The following SNUPN variants were observed in gnomAD, a reference collection of about 807,000 sequenced individuals.
SNUPN encodes the protein snurportin 1, also known as snurportin-1.
Under a neutral mutation model 39.2 loss-of-function variants are expected in SNUPN, and 31 were observed. The ratio of observed to expected loss-of-function variants is 0.79; its 90% CI spans 0.59 to 1.07. The LOEUF is 1.07. Ranked by LOEUF, SNUPN falls within the 50% of genes least tolerant of loss-of-function variation. The pLI is 0.00. For synonymous variants in SNUPN, 132 were observed against 159.0 expected (o/e 0.83, Z 1.28); for missense variants, 382 against 434.2 (o/e 0.88, Z 1.07).
intron 2 of SNUPN, among the ~76,000 whole-genome samples, chr15:75,620,369 C>A (rs938081410): frequency 2.6e-5 from 4 of 152,176 alleles, no homozygotes; most frequent in African/African-American, 7.2e-5. Context: ...TCTTATCCTG[C>A]CCTCTTTCCC....
Position 75,601,171 on chromosome 15 carries a change from C to T in SNUPN, c.726G>A (p.Leu242=), listed in dbSNP as rs756346962. 1 of 1,613,912 alleles carries T rather than the reference C, an allele frequency of 6.2e-7. No individual in the cohort carries two copies. The highest frequency in any genetic ancestry group is 8.5e-7 in the Non-Finnish European group (1 of 1,179,810). Residue 242 remains leucine (L), a synonymous_variant, in exon 8 of 9, where the codon CTG becomes CTA. Coordinates refer to ENST00000308588, the MANE Select transcript of SNUPN (RefSeq NM_005701.4). The stretch of plus-strand genomic sequence containing the variant: ...GGAAATCCATAGATAGCACATCACA[C>T]AGGCTTTCGGGAGTGCAAGGGAAGT... ...LKNFPCTPES[L]CDVLSMDFPF... is the part of the protein sequence containing the mutation.
intron 3 of SNUPN, among the ~76,000 whole-genome samples, chr15:75,615,366 G>A (rs554339321): frequency 6.6e-6 from 1 of 151,988 alleles, no homozygotes; most frequent in Non-Finnish European, 1.5e-5. Context: ...CCAACTCTAT[G>A]CCACTCTACC....
chr15:75,599,986 C>CA (rs1262546439), intron 8 of SNUPN, among the ~76,000 whole-genome samples: 1 of 152,030 alleles, frequency 6.6e-6, no homozygotes, highest in Non-Finnish European at 1.5e-5. Context: ...GCTGGGACTA[C>CA]AGGCGTGTGC....
intron 3 of SNUPN, among the ~76,000 whole-genome samples, chr15:75,614,487 T>G (rs1015021626): frequency 1.2e-4 from 19 of 152,164 alleles, no homozygotes; most frequent in Non-Finnish European, 2.1e-4. Flanking sequence ...TGATGAACGT[T>G]GGAAACCTCA....
At chr15:75,601,266 G>T in intron 7 of SNUPN, 48 bp from the exon 8 acceptor site, 1 of 1,299,146 alleles carries the variant, frequency 7.7e-7, no homozygotes. Context: ...AAATGATACT[G>T]GCCCAAGCAA....
In SNUPN at chr15:75,605,171, T is replaced by G. The variant is rs2075321462; in HGVS notation, c.657A>C (p.Gly219=). Residue 219 remains glycine (G), a synonymous_variant, in exon 7 of 9, where the codon GGA becomes GGC. Transcript: ENST00000308588. The part of the protein sequence containing the change: ...HSKLPEEEGL[G]EKTKLNPFKF... ...TTACAGGATTAAGCTTGGTTTTCTC[T>G]CCCAGTCCTTCTTCTTCTGGTAACT... 1 of 1,613,380 alleles carries G rather than the reference T, an allele frequency of 6.2e-7. No homozygotes were observed. The highest frequency in any genetic ancestry group is 1.3e-5 in the African/African-American group (1 of 75,006).
intron 3 of SNUPN, among the ~76,000 whole-genome samples, chr15:75,614,705 T>C (rs1262715733): frequency 6.6e-6 from 1 of 152,056 alleles, no homozygotes; most frequent in Non-Finnish European, 1.5e-5. Flanking sequence ...GTCTTGTGAC[T>C]ACACTAAAAA....
At chr15:75,598,764 C>T (rs189017158) in intron 8 of SNUPN, 83 bp from the exon 9 acceptor site, 57 of 1,081,704 alleles carry the variant, frequency 5.3e-5, no homozygotes, top group Non-Finnish European at 7.2e-5. Context: ...AAGGGCAGCT[C>T]TTGTGGTCCG....
chr15:75,603,660 C>CAA (rs775817247), intron 7 of SNUPN, among the ~76,000 whole-genome samples: 1,507 of 43,692 alleles, frequency 0.034, 57 homozygotes, highest in African/African-American at 0.11. Flanking sequence ...GACTCTGTCT[C>CAA]AAAAAAAAAA....
At position 75,621,062 on chromosome 15, in the gene SNUPN, A is replaced by G. The variant is rs1439242668; in HGVS notation, c.-5-6T>C. On this transcript the variant is annotated splice_polypyrimidine_tract_variant and splice_region_variant and intron_variant, in intron 1 of 8. Transcript: ENST00000308588. Reference sequence around the variant, plus strand: ...ACTCAACTCTTCCATCTTCCCTACAAAGGAAAACGTAAGAAAATGGTTCAT... The same window carrying G: ...ACTCAACTCTTCCATCTTCCCTACAGAGGAAAACGTAAGAAAATGGTTCAT... 1.2e-6 allele frequency: 2 copies of G among 1,613,690 alleles called. No homozygotes were observed. The highest frequency in any genetic ancestry group is 1.7e-6 in the Non-Finnish European group (2 of 1,179,850).
chr15:75,623,093 A>T (rs1262481257), intron 1 of SNUPN, among the ~76,000 whole-genome samples: 1 of 152,246 alleles, frequency 6.6e-6, no homozygotes, highest in Non-Finnish European at 1.5e-5. Context: ...AGAACTCTCC[A>T]GAACTCCTTT....
intron 6 of SNUPN, among the ~76,000 whole-genome samples, chr15:75,606,322 G>A (rs890682908): frequency 6.6e-6 from 1 of 151,994 alleles, no homozygotes; most frequent in Non-Finnish European, 1.5e-5. Flanking sequence ...CCTAGTATGC[G>A]GGAATGGCTT....
chr15:75,621,012 C>G lies in SNUPN; in HGVS notation c.40G>C (p.Val14Leu). ...GCTGTGCTGTTCAGATCTTGAGACA[C>G]AGAAAAGCTACTAGCCAGGGCCTGA... ...LSQALASSFS[V>L]SQDLNSTAAP... Residue 14 changes from valine (V) to leucine (L), a missense_variant, in exon 2 of 9, where the codon GTG becomes CTG. Coordinates refer to ENST00000308588, the MANE Select transcript of SNUPN (RefSeq NM_005701.4). 6.2e-7 allele frequency: 1 copy of G among 1,614,088 alleles called. No homozygotes were observed. The highest frequency in any genetic ancestry group is 2.2e-5 in the East Asian group (1 of 44,888).
At chr15:75,622,423 A>G (rs1440892761) in intron 1 of SNUPN, 4 of 984,610 alleles carry the variant, frequency 4.1e-6, no homozygotes, top group Admixed American at 6.2e-5. Context: ...CATAAAGTAC[A>G]TTAGGGAAAC....
At chr15:75,605,551 G>C (rs536096144) in intron 6 of SNUPN, among the ~76,000 whole-genome samples, 8 of 151,722 alleles carry the variant, frequency 5.3e-5, no homozygotes, top group Admixed American at 1.3e-4. Context: ...TCTCCACCTC[G>C]AGCCTCCCAA....
In SNUPN at chr15:75,620,910, G is replaced by C. The variant is rs766445450; in HGVS notation, c.142C>G (p.Leu48Val). ...CTTCCTTACGATTTCTGCAGTTCCA[G>C]TAACCTCCGGCGGCGCTCACTCTGC... ...LEQSERRRRL[L>V]ELQKSKRLDY... The change falls in exon 2 of 9, where the codon CTG (leucine) becomes GTG (valine). Residue 48 changes from leucine (L) to valine (V), a missense_variant. Physicochemically the swap from Leu to Val is conservative, Grantham distance 32. Coordinates refer to ENST00000308588, the MANE Select transcript of SNUPN (RefSeq NM_005701.4). The C allele has an allele frequency of 6.2e-7, 1 of 1,613,312 alleles. No homozygotes were observed. The highest frequency in any genetic ancestry group is 2.2e-5 in the East Asian group (1 of 44,870).
At position 75,598,670 on chromosome 15, in the gene SNUPN, A is replaced by G; in HGVS notation, c.771T>C (p.Leu257=). The G allele has an allele frequency of 2.5e-6, 4 of 1,601,236 alleles. No homozygotes were observed. The highest frequency in any genetic ancestry group is 3.4e-6 in the Non-Finnish European group (4 of 1,169,936). ...AGTGGGTCTGTTTGTGGTAGAAGAG[A>G]AGTCCATCTACCTATAAGACAAGGG... ...SMDFPFEVDG[L]LFYHKQTHYS... Residue 257 remains leucine (L), a synonymous_variant, in exon 9 of 9, where the codon CTT becomes CTC. Coordinates refer to ENST00000308588, the MANE Select transcript of SNUPN (RefSeq NM_005701.4).
chr15:75,604,077 C>T (rs1032280123), intron 7 of SNUPN, among the ~76,000 whole-genome samples: 4 of 151,996 alleles, frequency 2.6e-5, no homozygotes, highest in African/African-American at 9.7e-5. Flanking sequence ...CATGTTCCTC[C>T]AGGACCTACA....
chr15:75,603,543 C>A (rs2075307500), intron 7 of SNUPN, among the ~76,000 whole-genome samples: 1 of 150,948 alleles, frequency 6.6e-6, no homozygotes, highest in Admixed American at 6.6e-5. Flanking sequence ...CGCCTATAGT[C>A]CCAGCTACTC....
Sources: gnomAD v4.1 joint callset for allele counts (sites outside exome capture counted in the v4.1 genomes callset) on GRCh38, gnomAD v4.1.1 for gene constraint, MANE v1.5 for transcripts, NCBI Gene and HGNC (gene_info 2026-07-23, HGNC 2026-07-21) for gene names.